PIGL: variants seen among roughly 807,000 people sequenced by gnomAD.
PIGL encodes the protein phosphatidylinositol glycan anchor biosynthesis class L.
Under a neutral mutation model 31.1 loss-of-function variants are expected in PIGL, and 22 were observed. That is an observed-to-expected ratio of 0.71 (90% CI 0.51 to 1.01). The LOEUF (loss-of-function observed/expected upper bound fraction) is 1.01, where lower values mean the gene tolerates loss of function less well. Ranked by LOEUF, PIGL falls within the 50% of genes least tolerant of loss-of-function variation. PIGL has a pLI of 0.00. For missense variants in PIGL, 302 were observed against 315.9 expected (o/e 0.96, Z 0.33); for synonymous variants, 131 against 117.4 (o/e 1.12, Z -0.75).
chr17:16,299,958 G>A lies in PIGL; in HGVS notation c.406G>A (p.Glu136Lys). 1.9e-6 allele frequency: 3 copies of A among 1,613,712 alleles called. No individual in the cohort carries two copies. The highest frequency in any genetic ancestry group is 2.5e-6 in the Non-Finnish European group (3 of 1,179,626). Residue 136 changes from glutamate to lysine, a missense_variant, in exon 3 of 7, where the codon GAA becomes AAA. By Grantham distance (56) the Glu-to-Lys change is moderately conservative. Coordinates refer to ENST00000225609, the MANE Select transcript of PIGL (RefSeq NM_004278.4). ...HVARVLLQHI[E>K]VNGINLVVTF... ...GGCCAGAGTCCTCCTTCAGCACATA[G>A]AAGTGAATGGCATCAATCTGGTAAG...
chr17:16,298,673 C>T (rs1050171424), intron 2 of PIGL, among the ~76,000 whole-genome samples: 2 of 152,206 alleles, frequency 1.3e-5, no homozygotes, highest in African/African-American at 4.8e-5. Flanking sequence ...CAGGCAAAAA[C>T]CTGCATTCAA....
intron 2 of PIGL, among the ~76,000 whole-genome samples, chr17:16,241,121 A>T (rs2092721375): frequency 1.3e-5 from 2 of 148,486 alleles, no homozygotes; most frequent in South Asian, 4.2e-4. Flanking sequence ...TCTCAAAAAA[A>T]AAAAAAAAAA....
intron 2 of PIGL, among the ~76,000 whole-genome samples, chr17:16,299,276 G>A (rs1032919335): frequency 2.0e-5 from 3 of 151,510 alleles, no homozygotes; most frequent in East Asian, 1.9e-4. Flanking sequence ...CCAACATGGC[G>A]AAACCCCATC....
intron 2 of PIGL, among the ~76,000 whole-genome samples, chr17:16,248,532 T>C (rs967765984): frequency 6.6e-6 from 1 of 152,198 alleles, no homozygotes; most frequent in African/African-American, 2.4e-5. Context: ...AGACCATATT[T>C]CCACTGACAT....
At chr17:16,270,166 G>A (rs2142767734) in intron 2 of PIGL, among the ~76,000 whole-genome samples, 1 of 151,966 alleles carries the variant, frequency 6.6e-6, no homozygotes, top group East Asian at 1.9e-4. Flanking sequence ...GTGGGCACCT[G>A]TAATCCCAGC....
chr17:16,317,487 C>G, intron 5 of PIGL: 11 of 1,146,724 alleles, frequency 9.6e-6, no homozygotes, highest in Non-Finnish European at 1.2e-5. Flanking sequence ...TCCTTTACTT[C>G]CTTTGGCTTT....
intron 2 of PIGL, among the ~76,000 whole-genome samples, chr17:16,266,672 T>C (rs548712345): frequency 6.6e-6 from 1 of 151,838 alleles, no homozygotes; most frequent in East Asian, 2.0e-4. Flanking sequence ...CTCGGCTCAC[T>C]GCAAGCTCCG....
intron 6 of PIGL, among the ~76,000 whole-genome samples, chr17:16,318,886 A>T (rs569904074): frequency 6.6e-6 from 1 of 151,732 alleles, no homozygotes; most frequent in East Asian, 1.9e-4. Context: ...AGCTGAGATC[A>T]TGCCACTGTA....
chr17:16,247,889 C>CT (rs888535273), intron 2 of PIGL, among the ~76,000 whole-genome samples: 20 of 149,940 alleles, frequency 1.3e-4, no homozygotes, highest in Non-Finnish European at 2.2e-4. Context: ...AGCTTTCTCT[C>CT]TTTTTTTTTT....
chr17:16,271,969 C>T (rs575857779), intron 2 of PIGL, among the ~76,000 whole-genome samples: 2 of 152,090 alleles, frequency 1.3e-5, no homozygotes, highest in Non-Finnish European at 2.9e-5. Flanking sequence ...AAGCAATCTT[C>T]CCACCTTGGC....
chr17:16,258,898 C>A (rs1291373999), intron 2 of PIGL, among the ~76,000 whole-genome samples: 1 of 152,134 alleles, frequency 6.6e-6, no homozygotes, highest in East Asian at 1.9e-4. Flanking sequence ...GTATATGAGA[C>A]AACAAATTTT....
At position 16,316,719 on chromosome 17, in the gene PIGL, C is replaced by T. The variant is rs765078036; in HGVS notation, c.526+7C>T. The T allele has an allele frequency of 6.2e-7, 1 of 1,610,146 alleles. No homozygotes were observed. Among genetic ancestry groups the T allele is most frequent in the Non-Finnish European group, 8.5e-7 (1 of 1,176,676 alleles). On this transcript the variant is annotated splice_region_variant and intron_variant, in intron 5 of 6. Coordinates refer to ENST00000225609, the MANE Select transcript of PIGL (RefSeq NM_004278.4). ...GAAGGGAAGTTACCTAAAGGTAAGG[C>T]TTGTTCCTTTTGCAAAGGGCCACAA...
At chr17:16,259,976 T>C (rs1428878504) in intron 2 of PIGL, among the ~76,000 whole-genome samples, 1 of 152,208 alleles carries the variant, frequency 6.6e-6, no homozygotes, top group Non-Finnish European at 1.5e-5. Flanking sequence ...CGCTCCAATT[T>C]TGGAGCAAAG....
chr17:16,237,805 CA>C lies in PIGL; in HGVS notation c.335+3755del, dbSNP rs57265734. ...ACAGAGTGAGATCCTGTCTCAAAAG[CA>C]AAAAAAAAAAAAAAAAAAATTGAAT... On this transcript the variant is annotated intron_variant, in intron 2 of 6. Coordinates refer to ENST00000225609, the MANE Select transcript of PIGL (RefSeq NM_004278.4). Among the ~76,000 whole-genome samples, 901 of 101,742 alleles carry C rather than the reference CA, an allele frequency of 8.9e-3. 9 individuals carry two copies. The highest frequency in any genetic ancestry group is 0.027 in the African/African-American group (753 of 27,878). 66.7% of individuals were successfully genotyped at this position (101,742 alleles called of 152,430 possible). A position where few individuals can be genotyped will look rare whatever the true frequency, so the allele number is the denominator to read the frequency against.
In PIGL at chr17:16,320,483, G is replaced by A. The variant is rs111772319; in HGVS notation, c.660+2575G>A. 5.0e-3 allele frequency among the ~76,000 whole-genome samples: 4 copies of A among 806 alleles called. 1 individual carries two copies. In the South Asian group the frequency reaches 0.088, roughly 18 times the overall value. 0.5% of individuals were successfully genotyped at this position (806 alleles called of 152,430 possible). On this transcript the variant is annotated intron_variant, in intron 6 of 6. Coordinates refer to ENST00000225609, the MANE Select transcript of PIGL (RefSeq NM_004278.4). ...GAAGGAGGGAAGGAAGGGAGGAAAC[G>A]AGGGAGGGAGGGAAAGCGGGAGAGA...
intron 3 of PIGL, among the ~76,000 whole-genome samples, chr17:16,302,102 A>G (rs1374758972): frequency 6.6e-6 from 1 of 152,086 alleles, no homozygotes; most frequent in Non-Finnish European, 1.5e-5. Flanking sequence ...ACAGGCACCT[A>G]ATTTGCTCAC....
At chr17:16,289,303 A>G (rs1343726044) in intron 2 of PIGL, among the ~76,000 whole-genome samples, 1 of 152,244 alleles carries the variant, frequency 6.6e-6, no homozygotes, top group East Asian at 1.9e-4. Flanking sequence ...CAGTATGTCA[A>G]CAAAGGAGGA....
chr17:16,265,928 A>G (rs2092840629), intron 2 of PIGL, among the ~76,000 whole-genome samples: 1 of 152,070 alleles, frequency 6.6e-6, no homozygotes, highest in Non-Finnish European at 1.5e-5. Flanking sequence ...ATCCCTGGGC[A>G]GCTTCTCCTC....
intron 2 of PIGL, among the ~76,000 whole-genome samples, chr17:16,297,142 A>C (rs561003386): frequency 6.6e-6 from 1 of 152,346 alleles, no homozygotes; most frequent in Non-Finnish European, 1.5e-5. Context: ...GACCAAGAGG[A>C]GTTTGGACTT....
Sources: gnomAD v4.1 joint callset for allele counts (sites outside exome capture counted in the v4.1 genomes callset) on GRCh38, gnomAD v4.1.1 for gene constraint, MANE v1.5 for transcripts, NCBI Gene and HGNC (gene_info 2026-07-23, HGNC 2026-07-21) for gene names.